SOD2: variants seen among roughly 807,000 people sequenced by gnomAD.
SOD2 encodes superoxide dismutase [Mn], mitochondrial.
In SOD2, 11 loss-of-function variants were observed where a neutral mutation model predicts 27.0. The observed-to-expected ratio is 0.41, with a 90% CI of 0.26 to 0.67. The LOEUF (loss-of-function observed/expected upper bound fraction) is 0.67. Ranked by LOEUF, SOD2 falls within the 30% of genes least tolerant of loss-of-function variation. The pLI, the probability that SOD2 is intolerant of heterozygous loss-of-function variation, is 0.34. For synonymous variants in SOD2, 105 were observed against 103.0 expected (o/e 1.02, Z -0.12); for missense variants, 250 against 274.5 (o/e 0.91, Z 0.63).
At chr6:159,735,431 G>A (rs111547083) in intron 1 of SOD2, among the ~76,000 whole-genome samples, 2,413 of 152,234 alleles carry the variant, frequency 0.016, 80 homozygotes, top group African/African-American at 0.055. Flanking sequence ...GAGCCATCAC[G>A]CCCAACCAGT....
intron 1 of SOD2, among the ~76,000 whole-genome samples, chr6:159,724,267 C>T (rs1439912939): frequency 2.0e-5 from 3 of 152,190 alleles, no homozygotes; most frequent in Non-Finnish European, 2.9e-5. Context: ...GCTGGGATTA[C>T]AGGCATCAGC....
intron 1 of SOD2, among the ~76,000 whole-genome samples, chr6:159,709,784 T>A (rs535012188): frequency 6.6e-6 from 1 of 152,228 alleles, no homozygotes; most frequent in South Asian, 2.1e-4. Context: ...CCCAAAGGAA[T>A]ATAAATCATG....
chr6:159,754,345 G>A lies in SOD2; in HGVS notation c.-335-5669C>T, dbSNP rs531220803. ...TTGAGAACATGGGCCTCTTTGGAGTGTTATAGAGGACCACACTATCCTTAA... is the reference window on the plus strand; with the variant it reads ...TTGAGAACATGGGCCTCTTTGGAGTATTATAGAGGACCACACTATCCTTAA... On this transcript the variant is annotated intron_variant, in intron 1 of 7. Transcript: ENST00000546087. Among the ~76,000 whole-genome samples the A allele has an allele frequency of 2.0e-5, 3 of 152,256 alleles. No individual in the cohort carries two copies. In the South Asian group the frequency reaches 6.2e-4, roughly 32 times the overall value.
intron 2 of SOD2, 31 bp from the exon 3 acceptor site, chr6:159,688,273 T>G: frequency 7.6e-7 from 1 of 1,318,184 alleles, no homozygotes; most frequent in Non-Finnish European, 1.1e-6. Flanking sequence ...CACATTTTTT[T>G]GTAACTCCTA....
chr6:159,686,314 A>G (rs1236057373), intron 3 of SOD2, among the ~76,000 whole-genome samples: 4 of 152,212 alleles, frequency 2.6e-5, no homozygotes, highest in Non-Finnish European at 5.9e-5. Context: ...ACAAAACTTC[A>G]AAAGTATTAA....
At chr6:159,735,566 C>T (rs991089409) in intron 1 of SOD2, among the ~76,000 whole-genome samples, 58 of 152,150 alleles carry the variant, frequency 3.8e-4, no homozygotes, top group African/African-American at 1.3e-3. Context: ...CTGACCAACA[C>T]GGTGAAACCC....
At position 159,674,164 on chromosome 6, in the gene SOD2, G is replaced by C. The variant is rs111811221; in HGVS notation, c.*8329C>G. On this transcript the variant is annotated 3_prime_UTR_variant, in exon 5 of 5. Transcript: ENST00000538183. ...GGATTCACAGCCGAATTCTACCAGA[G>C]GTACAAGGAAGAGCTGGTACCATTC... 1 of 152,086 alleles carries C rather than the reference G, an allele frequency of 6.6e-6. No individual in the cohort carries two copies. The highest frequency in any genetic ancestry group is 1.5e-5 in the Non-Finnish European group (1 of 68,034). The allele number at this position is 152,086 out of a possible 1,614,324, so 9.4% of individuals were successfully genotyped here.
chr6:159,742,686 T>C (rs1241952296), intron 1 of SOD2, among the ~76,000 whole-genome samples: 1 of 152,210 alleles, frequency 6.6e-6, no homozygotes, highest in African/African-American at 2.4e-5. Flanking sequence ...ATATATTGTT[T>C]TGTAACTTCA....
chr6:159,718,172 T>G (rs1241636631), intron 1 of SOD2, among the ~76,000 whole-genome samples: 2 of 152,058 alleles, frequency 1.3e-5, no homozygotes, highest in Non-Finnish European at 2.9e-5. Context: ...TTTATTTTTT[T>G]GTAGAGGTGG....
chr6:159,755,749 G>GTTTTTTTTTTTCTTTT, intron 1 of SOD2: 1 of 317,902 alleles, frequency 3.1e-6, no homozygotes, highest in Non-Finnish European at 4.0e-6. Flanking sequence ...TTTTTTCTTT[G>GTTTTTTTTTTTCTTTT]TTTTTTTTTT....
At chr6:159,727,391 C>CGGGAGGCGGGAGGG, upstream of SOD2, 1 of 588,724 alleles carries the variant, frequency 1.7e-6, no homozygotes, top group South Asian at 2.2e-5. Context: ...AGGCGGGAGG[C>CGGGAGGCGGGAGGG]GGGAGGCGGG....
chr6:159,755,765 C>CTTTTTTTTTTTTTTTTTTTTTTTA, intron 1 of SOD2: 1 of 171,464 alleles, frequency 5.8e-6, no homozygotes, highest in Non-Finnish European at 7.1e-6. Context: ...TTTTTCTTTT[C>CTTTTTTTTTTTTTTTTTTTTTTTA]TTTTTTTTTT....
intron 1 of SOD2, among the ~76,000 whole-genome samples, chr6:159,750,843 T>TA (rs200320488): frequency 1.5e-5 from 1 of 65,694 alleles, no homozygotes; most frequent in Non-Finnish European, 3.9e-5. Context: ...GCTCAGGCAA[T>TA]CCCGTCTGGA....
intron 1 of SOD2, among the ~76,000 whole-genome samples, chr6:159,756,665 A>G (rs987487951): frequency 1.5e-5 from 2 of 136,888 alleles, no homozygotes; most frequent in Admixed American, 1.7e-4. Flanking sequence ...GCAGTGGTGC[A>G]GTCATGGCTC....
At chr6:159,693,846 A>T (rs1199630744), upstream of SOD2, among the ~76,000 whole-genome samples, 1 of 152,196 alleles carries the variant, frequency 6.6e-6, no homozygotes, top group Non-Finnish European at 1.5e-5. Context: ...CTTGCTTTGC[A>T]AGTAAGCCGA....
intron 1 of SOD2, among the ~76,000 whole-genome samples, chr6:159,740,269 C>CT (rs1779173127): frequency 1.3e-5 from 2 of 152,044 alleles, no homozygotes; most frequent in Admixed American, 1.3e-4. Flanking sequence ...AATCAGTAAT[C>CT]TTAATAAAGA....
At chr6:159,723,722 C>T (rs1355304000) in intron 1 of SOD2, among the ~76,000 whole-genome samples, 2 of 151,946 alleles carry the variant, frequency 1.3e-5, no homozygotes, top group Non-Finnish European at 2.9e-5. Flanking sequence ...CCTAGTGCTT[C>T]TAGGCCCTTT....
chr6:159,717,238 G>A (rs1319501497), intron 1 of SOD2, among the ~76,000 whole-genome samples: 3 of 152,132 alleles, frequency 2.0e-5, no homozygotes, highest in African/African-American at 7.2e-5. Context: ...CCACCAAGGA[G>A]TTCAGAATGT....
chr6:159,737,520 G>A (rs1351847368), intron 1 of SOD2, among the ~76,000 whole-genome samples: 1 of 152,024 alleles, frequency 6.6e-6, no homozygotes, highest in Admixed American at 6.6e-5. Context: ...CTGAGACAGA[G>A]TCTCACTCTG....
Sources: gnomAD v4.1 joint callset for allele counts (sites outside exome capture counted in the v4.1 genomes callset) on GRCh38, gnomAD v4.1.1 for gene constraint, MANE v1.5 for transcripts, NCBI Gene and HGNC (gene_info 2026-07-23, HGNC 2026-07-21) for gene names.